The following AP2A1 variants were observed in gnomAD, a reference collection of about 807,000 sequenced individuals.
The protein encoded by AP2A1 is adaptor related protein complex 2 subunit alpha 1.
Under a neutral mutation model 107.3 loss-of-function variants are expected in AP2A1, and 21 were observed. The observed-to-expected ratio is 0.20, with a 90% CI of 0.14 to 0.28. AP2A1 has a LOEUF of 0.28. Among genes scored for constraint, AP2A1 ranks in the 10% least tolerant of loss-of-function variants. The probability of loss-of-function intolerance (pLI) is 1.00; values close to 1 mark genes in which losing one functional copy is unlikely to be tolerated. For synonymous variants in AP2A1, 602 were observed against 564.8 expected, an observed-to-expected ratio of 1.07 and a Z score of -0.93; for missense variants, 873 against 1,307.7, an observed-to-expected ratio of 0.67 and a Z score of 5.13.
intron 1 of AP2A1, among the ~76,000 whole-genome samples, chr19:49,772,751 C>T (rs540023122): frequency 5.9e-5 from 9 of 151,948 alleles, no homozygotes; most frequent in Middle Eastern, 3.4e-3. Flanking sequence ...CCGCCCGTCT[C>T]GGCCTCCCAA....
intron 1 of AP2A1, among the ~76,000 whole-genome samples, chr19:49,768,118 T>C (rs2084522174): frequency 6.6e-6 from 1 of 151,974 alleles, no homozygotes; most frequent in Admixed American, 6.6e-5. Context: ...AGGGGAAGTC[T>C]AATCCCAGAG....
At chr19:49,778,561 C>T (rs1283862078) in intron 1 of AP2A1, among the ~76,000 whole-genome samples, 3 of 152,022 alleles carry the variant, frequency 2.0e-5, no homozygotes, top group South Asian at 4.2e-4. Context: ...CCAGCCTGGG[C>T]GACAAGAGTG....
chr19:49,798,747 A>C, intron 7 of AP2A1, 55 bp from the exon 8 acceptor site: 1 of 1,568,190 alleles, frequency 6.4e-7, no homozygotes, highest in South Asian at 1.2e-5. Flanking sequence ...CCACCCCAGC[A>C]GGTGTGCCAG....
rs568767683 is a variant in AP2A1 at position 49,782,733 on chromosome 19, C to G, written c.473+9C>G. 5 of 1,586,172 alleles carry G rather than the reference C, an allele frequency of 3.2e-6. No individual in the cohort carries two copies. The highest frequency in any genetic ancestry group is 4.3e-6 in the Non-Finnish European group (5 of 1,170,340). ...CGCATCCTGGTGGCCGGGTAAGGCACTGGGGACCCGTTGGCAGTGGGGGGC... is the reference window on the plus strand; with the variant it reads ...CGCATCCTGGTGGCCGGGTAAGGCAGTGGGGACCCGTTGGCAGTGGGGGGC... On this transcript the variant is annotated intron_variant, in intron 4 of 22. Transcript: ENST00000354293.
Position 49,799,238 on chromosome 19 carries a change from G to A in AP2A1, c.966-89G>A, listed in dbSNP as rs902813090. The A allele has an allele frequency of 8.4e-6, 12 of 1,431,690 alleles. No individual in the cohort carries two copies. The South Asian group carries it at 1.4e-4, about 17-fold the overall frequency. 88.7% of individuals were successfully genotyped at this position (1,431,690 alleles called of 1,614,324 possible). A position where few individuals can be genotyped will look rare whatever the true frequency, so the allele number is the denominator to read the frequency against. ...AAGGTTAAGACCTGGATCCTTGGGG[G>A]CTGTGAGATGGGTCAGCTGGGGCCC... On this transcript the variant is annotated intron_variant, in intron 8 of 22. Coordinates refer to ENST00000354293, the MANE Select transcript of AP2A1 (RefSeq NM_130787.3).
rs777616088 is a variant in AP2A1 at position 49,793,036 on chromosome 19, A to G, written c.649A>G (p.Lys217Glu). The G allele has an allele frequency of 1.2e-6, 2 of 1,610,828 alleles. No homozygotes were observed. Among genetic ancestry groups the G allele is most frequent in the South Asian group, 1.1e-5 (1 of 90,224 alleles). ...CAGCCTCATCACCTGTCTCTGCAAG[A>G]AGAACCCAGATGACTTCAAGACGTG... is the stretch of plus-strand genomic sequence containing the variant. ...AVSLITCLCK[K>E]NPDDFKTCVS... The change falls in exon 6 of 23, where the codon AAG (lysine) becomes GAG (glutamate). Residue 217 changes from lysine (K) to glutamate (E), a missense_variant. Physicochemically the swap from Lys to Glu is moderately conservative, Grantham distance 56. Transcript: ENST00000354293.
chr19:49,773,533 T>C (rs1314536639), intron 1 of AP2A1, among the ~76,000 whole-genome samples: 1 of 152,170 alleles, frequency 6.6e-6, no homozygotes, highest in Non-Finnish European at 1.5e-5. Context: ...TTTCTTGAGT[T>C]CCAGCTGGGT....
intron 1 of AP2A1, among the ~76,000 whole-genome samples, chr19:49,775,898 C>A (rs1190018460): frequency 6.6e-6 from 1 of 152,138 alleles, no homozygotes; most frequent in Admixed American, 6.5e-5. Flanking sequence ...TGACAGGATG[C>A]CTTTGCTGGT....
At chr19:49,804,215 G>A (rs1239558406) in intron 18 of AP2A1, 3 of 151,806 alleles carry the variant, frequency 2.0e-5, no homozygotes, top group Admixed American at 6.6e-5. Flanking sequence ...CAGTCTGGGC[G>A]ACAGTCTCAA....
At chr19:49,780,838 T>C (rs550294032) in intron 1 of AP2A1, among the ~76,000 whole-genome samples, 3 of 152,294 alleles carry the variant, frequency 2.0e-5, no homozygotes, top group African/African-American at 7.2e-5. Context: ...ATTGCACCAC[T>C]GCACTGCAGC....
chr19:49,803,772 C>T, intron 18 of AP2A1: 1 of 308,756 alleles, frequency 3.2e-6, no homozygotes, highest in Admixed American at 4.6e-5. Context: ...CCTCTCTGGG[C>T]TCTCCTGTCC....
At chr19:49,776,658 A>G (rs2084620504) in intron 1 of AP2A1, among the ~76,000 whole-genome samples, 1 of 152,030 alleles carries the variant, frequency 6.6e-6, no homozygotes, top group Non-Finnish European at 1.5e-5. Flanking sequence ...ATGCCGGGTC[A>G]TTCTTCCCAT....
chr19:49,807,037 C>CCCGGGTT lies in AP2A1; in HGVS notation c.*279_*280insCCGGGTT. On this transcript the variant is annotated 3_prime_UTR_variant, in exon 23 of 23. Transcript: ENST00000354293. The stretch of plus-strand genomic sequence containing the variant: ...ATGTCTCCTCCCCTCCCACCCCACC[C>CCCGGGTT]TGTTGTAGCCCCTCCTACCCCCTCC... The CCCGGGTT allele has an allele frequency of 6.5e-7, 1 of 1,529,594 alleles. No homozygotes were observed. Among genetic ancestry groups the CCCGGGTT allele is most frequent in the Non-Finnish European group, 8.8e-7 (1 of 1,140,512 alleles). The allele number at this position is 1,529,594 out of a possible 1,614,324, so 94.8% of individuals were successfully genotyped here.
At chr19:49,805,965 C>T (rs924221258) in intron 21 of AP2A1, 24 bp downstream of exon 21, 14 of 1,613,672 alleles carry the variant, frequency 8.7e-6, no homozygotes, top group South Asian at 4.4e-5. Flanking sequence ...GGCGTGTTTG[C>T]CGGCCTATGG....
Position 49,791,983 on chromosome 19 carries a change from A to C in AP2A1, c.522A>C (p.Arg174=). ...AGAGTGCGGCCCTGTGCCTCCTTCG[A>C]CTGTACAAGGCCTCGCCTGACCTGG... ...VKQSAALCLL[R]LYKASPDLVP... is the part of the protein sequence containing the mutation. The change falls in exon 5 of 23, where the codon CGA becomes CGC. Residue 174 remains arginine (R), a synonymous_variant. Transcript: ENST00000354293. 1 of 1,612,582 alleles carries C rather than the reference A, an allele frequency of 6.2e-7. No individual in the cohort carries two copies. Among genetic ancestry groups the C allele is most frequent in the Non-Finnish European group, 8.5e-7 (1 of 1,179,456 alleles).
At position 49,793,041 on chromosome 19, in the gene AP2A1, C is replaced by T; in HGVS notation, c.654C>T (p.Asn218=). 1.2e-6 allele frequency: 2 copies of T among 1,610,922 alleles called. No homozygotes were observed. The highest frequency in any genetic ancestry group is 1.7e-6 in the Non-Finnish European group (2 of 1,178,650). The change falls in exon 6 of 23, where the codon AAC becomes AAT. Residue 218 remains asparagine, a synonymous_variant. Coordinates refer to ENST00000354293, the MANE Select transcript of AP2A1 (RefSeq NM_130787.3). ...TCATCACCTGTCTCTGCAAGAAGAA[C>T]CCAGATGACTTCAAGACGTGCGTCT... The part of the protein sequence containing the change: ...VSLITCLCKK[N]PDDFKTCVSL...
At chr19:49,778,219 C>T (rs140305008) in intron 1 of AP2A1, among the ~76,000 whole-genome samples, 157 of 152,198 alleles carry the variant, frequency 1.0e-3, no homozygotes, top group African/African-American at 3.6e-3. Context: ...AGTGTGCTTA[C>T]ACAAATTGAG....
intron 4 of AP2A1, among the ~76,000 whole-genome samples, chr19:49,784,062 A>G (rs6509444): frequency 1 from 152,076 of 152,348 alleles, 75,903 homozygotes; most frequent in Middle Eastern, 1. Context: ...AAAGCTCCAA[A>G]TGATATGAGT....
intron 6 of AP2A1, among the ~76,000 whole-genome samples, chr19:49,793,698 C>T (rs2089661264): frequency 6.6e-6 from 1 of 152,040 alleles, no homozygotes; most frequent in South Asian, 2.1e-4. Context: ...AAAGGGGTGA[C>T]TCGTGCTATA....
Sources: gnomAD v4.1 joint callset for allele counts (sites outside exome capture counted in the v4.1 genomes callset) on GRCh38, gnomAD v4.1.1 for gene constraint, MANE v1.5 for transcripts, NCBI Gene and HGNC (gene_info 2026-07-23, HGNC 2026-07-21) for gene names.